Variants in CNGB1 observed in about 807,000 individuals in gnomAD.
CNGB1 encodes cyclic nucleotide gated channel subunit beta 1.
A neutral mutation model predicts 151.7 loss-of-function variants in CNGB1; 126 were observed. The observed-to-expected ratio is 0.83, with a 90% CI of 0.72 to 0.96. The LOEUF (loss-of-function observed/expected upper bound fraction) is 0.96. Among genes scored for constraint, CNGB1 ranks in the 40% least tolerant of loss-of-function variants. The pLI is 0.00. For synonymous variants in CNGB1, 623 were observed against 635.1 expected (o/e 0.98, Z 0.29); for missense variants, 1,698 against 1,627.0 (o/e 1.04, Z -0.75).
Position 57,897,881 on chromosome 16 carries a change from C to T in CNGB1, c.3010G>A (p.Ala1004Thr). Residue 1004 changes from alanine (A) to threonine (T), a missense_variant, in exon 30 of 33, where the codon GCA becomes ACA. Transcript: ENST00000251102. ...EIGREMYIIQ[A>T]GQVQVLGGPD... ...CCGCCCAAGACCTGCACTTGCCCTGCCTGGATGATGTACATCTCACGGCCG... is the reference window on the plus strand; with the variant it reads ...CCGCCCAAGACCTGCACTTGCCCTGTCTGGATGATGTACATCTCACGGCCG... The T allele has an allele frequency of 6.2e-7, 1 of 1,614,238 alleles. No individual in the cohort carries two copies. The highest frequency in any genetic ancestry group is 8.5e-7 in the Non-Finnish European group (1 of 1,180,044).
chr16:57,950,563 C>T (rs766669277), intron 12 of CNGB1, 23 bp from the exon 13 acceptor site: 2 of 1,613,788 alleles, frequency 1.2e-6, no homozygotes, highest in African/African-American at 1.3e-5. Flanking sequence ...CAGGAAGAGC[C>T]ATTTATGGGA....
intron 16 of CNGB1, among the ~76,000 whole-genome samples, chr16:57,936,795 C>CAAA (rs1181991556): frequency 2.9e-3 from 289 of 99,088 alleles, no homozygotes; most frequent in African/African-American, 0.018. Context: ...AAAAAACAAA[C>CAAA]AAACAAAAAA....
chr16:57,963,687 C>T (rs1398981079), intron 4 of CNGB1, among the ~76,000 whole-genome samples: 4 of 152,112 alleles, frequency 2.6e-5, no homozygotes, highest in Non-Finnish European at 5.9e-5. Flanking sequence ...AGCTCTGACC[C>T]CATTGGGCCT....
chr16:57,960,956 C>T (rs1374706926), intron 7 of CNGB1, 41 bp from the exon 8 acceptor site: 3 of 1,595,300 alleles, frequency 1.9e-6, no homozygotes, highest in African/African-American at 1.3e-5. Context: ...CCTGAGGGAA[C>T]CGGCCAGCGC....
chr16:57,960,794 G>A (rs2149386970), intron 8 of CNGB1, 46 bp downstream of exon 8: 2 of 1,590,102 alleles, frequency 1.3e-6, no homozygotes, highest in Non-Finnish European at 1.7e-6. Flanking sequence ...GGCCCCAGAA[G>A]CCCCCCCATA....
chr16:57,918,149 T>C (rs1960930226), intron 20 of CNGB1, among the ~76,000 whole-genome samples: 1 of 151,864 alleles, frequency 6.6e-6, no homozygotes, highest in Non-Finnish European at 1.5e-5. Context: ...ATTTATTTAC[T>C]ATTTTTGTAG....
chr16:57,897,741 C>T (rs1960273602), intron 30 of CNGB1, 55 bp downstream of exon 30: 24 of 1,586,910 alleles, frequency 1.5e-5, no homozygotes, highest in Middle Eastern at 1.7e-4. Flanking sequence ...CCGCTGGCCG[C>T]CTTCTTTCCC....
In CNGB1 at chr16:57,899,233, G is replaced by A. The variant is rs113414137; in HGVS notation, c.2977-1319C>T. On this transcript the variant is annotated intron_variant, in intron 29 of 32. Transcript: ENST00000251102. ...ATTAGAAACACCTAGTCTGCCATGCGCCTTCCAATCCTCATGCCTTCACCG... is the reference window on the plus strand; with the variant it reads ...ATTAGAAACACCTAGTCTGCCATGCACCTTCCAATCCTCATGCCTTCACCG... 6.7e-3 allele frequency among the ~76,000 whole-genome samples: 1,017 copies of A among 152,282 alleles called. 3 individuals carry two copies. Among genetic ancestry groups the A allele is most frequent in the Non-Finnish European group, 0.012 (817 of 68,030 alleles).
chr16:57,901,364 A>G lies in CNGB1; in HGVS notation c.2964T>C (p.Tyr988=), dbSNP rs762804346. The change falls in exon 29 of 33, where the codon TAT becomes TAC. Residue 988 remains tyrosine (Y), a synonymous_variant. Coordinates refer to ENST00000251102, the MANE Select transcript of CNGB1 (RefSeq NM_001297.5). ...CAGGCCAGCTCACCTTCTTGCACAC[A>G]TAGTCGTTGGGCAGGTAGACAACAG... ...LRSVVYLPND[Y]VCKKGEIGRE... 1.9e-6 allele frequency: 3 copies of G among 1,613,962 alleles called. No homozygotes were observed. Among genetic ancestry groups the G allele is most frequent in the Admixed American group, 3.3e-5 (2 of 59,990 alleles).
chr16:57,885,991 AG>A (rs1959918597), intron 32 of CNGB1, among the ~76,000 whole-genome samples: 1 of 152,202 alleles, frequency 6.6e-6, no homozygotes, highest in South Asian at 2.1e-4. Context: ...TGGAATCAGC[AG>A]CTCATGGGAA....
At chr16:57,895,918 T>C (rs1232627741) in intron 31 of CNGB1, among the ~76,000 whole-genome samples, 1 of 152,134 alleles carries the variant, frequency 6.6e-6, no homozygotes, top group Non-Finnish European at 1.5e-5. Context: ...TAATGATTGT[T>C]AACAGAGTAT....
At chr16:57,961,857 T>C (rs1192068509) in intron 7 of CNGB1, among the ~76,000 whole-genome samples, 3 of 152,154 alleles carry the variant, frequency 2.0e-5, no homozygotes, top group African/African-American at 7.2e-5. Context: ...AACGAATGAA[T>C]GGGGTGAATG....
In CNGB1 at chr16:57,930,214, T is replaced by A. The variant is rs146326552; in HGVS notation, c.1535+1502A>T. ...CATCAACAGATAAATAAAGAAAATG[T>A]GGGCTGTGTTGGCAGCTCACACCTG... On this transcript the variant is annotated intron_variant, in intron 17 of 32. Transcript: ENST00000251102. 1.7e-4 allele frequency among the ~76,000 whole-genome samples: 26 copies of A among 152,180 alleles called. No individual in the cohort carries two copies. The East Asian group carries it at 4.8e-3, about 28-fold the overall frequency.
Position 57,883,818 on chromosome 16 carries a change from A to C in CNGB1, c.*346T>G. 1 of 415,114 alleles carries C rather than the reference A, an allele frequency of 2.4e-6. No individual in the cohort carries two copies. 25.7% of individuals were successfully genotyped at this position (415,114 alleles called of 1,614,324 possible). ...ACTTTTTCAGCAAAGCTTCCCATGT[A>C]TTGGAGCCTCATTTTATCCCTCACC... On this transcript the variant is annotated 3_prime_UTR_variant, in exon 33 of 33. Transcript: ENST00000251102.
Position 57,911,753 on chromosome 16 carries a change from C to A in CNGB1, c.2492G>T (p.Ser831Ile), listed in dbSNP as rs775734464. The change falls in exon 25 of 33, where the codon AGT (serine) becomes ATT (isoleucine). Residue 831 changes from serine (S) to isoleucine (I), a missense_variant and splice_region_variant. By Grantham distance (142) the Ser-to-Ile change is moderately radical. Coordinates refer to ENST00000251102, the MANE Select transcript of CNGB1 (RefSeq NM_001297.5). ...THWVYDGVGN[S>I]YIRCYYFAVK... The stretch of plus-strand genomic sequence containing the variant: ...CCCCAGGGGGAGGACTGTGGCTCAC[C>A]TGTTTCCCACGCCATCGTAAACCCA... 6.2e-7 allele frequency: 1 copy of A among 1,613,914 alleles called. No homozygotes were observed. The highest frequency in any genetic ancestry group is 8.5e-7 in the Non-Finnish European group (1 of 1,179,858).
intron 12 of CNGB1, among the ~76,000 whole-genome samples, 153 bp downstream of exon 12, chr16:57,957,188 T>G (rs1231609332): frequency 6.7e-6 from 1 of 149,230 alleles, no homozygotes; most frequent in African/African-American, 2.5e-5. Flanking sequence ...AGCATGGGGC[T>G]CTCTCAGCTC....
intron 13 of CNGB1, among the ~76,000 whole-genome samples, chr16:57,949,683 G>C (rs1961900966): frequency 6.6e-6 from 1 of 152,188 alleles, no homozygotes; most frequent in Non-Finnish European, 1.5e-5. Flanking sequence ...GTCAGCCTCT[G>C]ATCCTCTCTG....
intron 20 of CNGB1, among the ~76,000 whole-genome samples, chr16:57,917,883 T>C (rs1313586893): frequency 6.6e-6 from 1 of 152,056 alleles, no homozygotes; most frequent in East Asian, 1.9e-4. Flanking sequence ...GGAGGGACTA[T>C]GCTGGTATTA....
chr16:57,934,695 G>A (rs539264966), intron 16 of CNGB1, among the ~76,000 whole-genome samples: 70 of 152,132 alleles, frequency 4.6e-4, no homozygotes, highest in African/African-American at 1.6e-3. Context: ...AGCAGCTCAC[G>A]CCTGTAATTC....
Sources: gnomAD v4.1 joint callset for allele counts (sites outside exome capture counted in the v4.1 genomes callset) on GRCh38, gnomAD v4.1.1 for gene constraint, MANE v1.5 for transcripts, NCBI Gene and HGNC (gene_info 2026-07-23, HGNC 2026-07-21) for gene names.